Variants in RBFOX2 observed in about 807,000 individuals in gnomAD.
RBFOX2 encodes RNA binding protein fox-1 homolog 2.
In RBFOX2, 10 loss-of-function variants were observed where a neutral mutation model predicts 49.1. The observed-to-expected ratio is 0.20, with a 90% CI of 0.13 to 0.35. The LOEUF is 0.35. RBFOX2 is among the 10% of genes least tolerant of loss of function. RBFOX2 has a pLI of 1.00. For missense variants in RBFOX2, 323 were observed against 486.9 expected, an observed-to-expected ratio of 0.66 and a Z score of 3.17; for synonymous variants, 183 against 187.4, an observed-to-expected ratio of 0.98 and a Z score of 0.19.
intron 1 of RBFOX2, among the ~76,000 whole-genome samples, chr22:35,872,963 C>T (rs1001108256): frequency 6.6e-6 from 1 of 152,122 alleles, no homozygotes; most frequent in Non-Finnish European, 1.5e-5. Context: ...GACCCCCTCC[C>T]GTAGCAGTAT....
chr22:36,024,613 T>C (rs1343493134), intron 1 of RBFOX2, among the ~76,000 whole-genome samples: 1 of 151,632 alleles, frequency 6.6e-6, no homozygotes, highest in African/African-American at 2.4e-5. Context: ...TGGTGGCACA[T>C]GCCTGTAATC....
At chr22:35,805,029 T>C (rs1160753691) in intron 2 of RBFOX2, among the ~76,000 whole-genome samples, 2 of 151,986 alleles carry the variant, frequency 1.3e-5, no homozygotes, top group East Asian at 3.9e-4. Context: ...GGCTCACGCC[T>C]GTAATCCCAG....
At chr22:36,001,219 ACACACACACACACACT>A (rs951394104) in intron 1 of RBFOX2, among the ~76,000 whole-genome samples, 14 of 147,988 alleles carry the variant, frequency 9.5e-5, no homozygotes, top group African/African-American at 3.2e-4. Context: ...ACACACACAC[ACACACACACACACACT>A]ATATGTATAT....
chr22:35,825,579 T>C (rs1013313401), intron 1 of RBFOX2, among the ~76,000 whole-genome samples: 1 of 152,226 alleles, frequency 6.6e-6, no homozygotes, highest in Non-Finnish European at 1.5e-5. Context: ...CTGCAATGAA[T>C]GTACTATTTG....
intron 2 of RBFOX2, among the ~76,000 whole-genome samples, chr22:35,798,768 G>A (rs1949246431): frequency 6.6e-6 from 1 of 152,140 alleles, no homozygotes; most frequent in Non-Finnish European, 1.5e-5. Flanking sequence ...TTTGAAGAGT[G>A]TATAAGGGGA....
chr22:35,927,628 C>CAGAAGAAAT (rs2051821673), intron 1 of RBFOX2, among the ~76,000 whole-genome samples: 1 of 124,938 alleles, frequency 8.0e-6, no homozygotes, highest in East Asian at 2.1e-4. Flanking sequence ...AAAAAAAAAG[C>CAGAAGAAAT]AGAAGAAATA....
chr22:35,890,815 A>C (rs1319347978), intron 1 of RBFOX2, among the ~76,000 whole-genome samples: 1 of 152,124 alleles, frequency 6.6e-6, no homozygotes, highest in Admixed American at 6.5e-5. Context: ...AATGAAACAA[A>C]AAAAAATCAG....
intron 1 of RBFOX2, among the ~76,000 whole-genome samples, chr22:35,865,882 T>G (rs571857230): frequency 6.6e-6 from 1 of 152,300 alleles, no homozygotes; most frequent in South Asian, 2.1e-4. Flanking sequence ...AAAAGGCAGC[T>G]ATGCCATGAA....
At chr22:35,923,743 G>A (rs1390967686) in intron 1 of RBFOX2, among the ~76,000 whole-genome samples, 1 of 151,716 alleles carries the variant, frequency 6.6e-6, no homozygotes. Context: ...GACTCACTGG[G>A]GTCTTACCAA....
exon 1 of RBFOX2, chr22:35,961,571 G>C: frequency 4.6e-6 from 6 of 1,303,858 alleles, no homozygotes; most frequent in Non-Finnish European, 6.1e-6. Context: ...ACCTCACAGG[G>C]GTTCCTGGGC....
At chr22:35,962,201 A>G (rs1367800590), upstream of RBFOX2, among the ~76,000 whole-genome samples, 5 of 152,186 alleles carry the variant, frequency 3.3e-5, no homozygotes, top group African/African-American at 1.2e-4. Context: ...TTCTCCTGCT[A>G]TTTCCTTGAT....
intron 1 of RBFOX2, among the ~76,000 whole-genome samples, chr22:35,958,751 T>C (rs1185568028): frequency 1.3e-5 from 2 of 152,212 alleles, no homozygotes; most frequent in Non-Finnish European, 2.9e-5. Context: ...TTTTTCTTGA[T>C]GCCAAGTTTT....
intron 2 of RBFOX2, among the ~76,000 whole-genome samples, chr22:35,806,428 T>A (rs1950752130): frequency 6.6e-6 from 1 of 152,142 alleles, no homozygotes. Flanking sequence ...TGAAGCTATA[T>A]TAGACCTAAG....
intron 2 of RBFOX2, among the ~76,000 whole-genome samples, chr22:35,782,183 T>C (rs566080229): frequency 6.6e-6 from 1 of 152,234 alleles, no homozygotes; most frequent in East Asian, 1.9e-4. Flanking sequence ...GTCTATGATC[T>C]CAGGCTCTCT....
chr22:35,961,801 G>T, upstream of RBFOX2: 1 of 1,063,102 alleles, frequency 9.4e-7, no homozygotes, highest in Non-Finnish European at 1.2e-6. Context: ...GCTAAATTTA[G>T]CTACTTGGGA....
rs899272078 is a variant in RBFOX2, at chr22:35,810,079, G to A, written c.28-75C>T. 76 of 1,416,216 alleles carry A rather than the reference G, an allele frequency of 5.4e-5. No individual in the cohort carries two copies. In the Middle Eastern group the frequency reaches 2.5e-3, roughly 47 times the overall value. 87.7% of individuals were successfully genotyped at this position (1,416,216 alleles called of 1,614,324 possible). A position where few individuals can be genotyped will look rare whatever the true frequency, so the allele number is the denominator to read the frequency against. ...GTAACTATTTTTAAAGTGAGTATAT[G>A]GAATTCTCTGAATATTCTCTCACTG... On this transcript the variant is annotated intron_variant, in intron 1 of 11. Coordinates refer to ENST00000405409, the Ensembl canonical transcript of RBFOX2.
At chr22:36,020,597 CAG>C (rs1210421122) in intron 1 of RBFOX2, among the ~76,000 whole-genome samples, 1 of 152,144 alleles carries the variant, frequency 6.6e-6, no homozygotes, top group Non-Finnish European at 1.5e-5. Flanking sequence ...AGGATATGAA[CAG>C]ACACTTCTCA....
intron 1 of RBFOX2, among the ~76,000 whole-genome samples, chr22:35,860,367 A>T (rs1034891198): frequency 3.4e-4 from 52 of 152,348 alleles, no homozygotes; most frequent in African/African-American, 1.2e-3. Flanking sequence ...CAACTGCCAG[A>T]CATGAGAGTG....
chr22:35,766,402 C>T (rs1940958819), intron 5 of RBFOX2, among the ~76,000 whole-genome samples: 1 of 151,966 alleles, frequency 6.6e-6, no homozygotes, highest in Non-Finnish European at 1.5e-5. Flanking sequence ...CTTATTTTTG[C>T]CTCTTCAAAT....
Sources: allele counts gnomAD v4.1 joint callset (sites outside exome capture counted in the v4.1 genomes callset), GRCh38; gene constraint gnomAD v4.1.1; transcripts MANE v1.5; gene names NCBI Gene and HGNC (gene_info 2026-07-23, HGNC 2026-07-21).